Variants in KIAA1210 observed in about 807,000 individuals in gnomAD.
The protein encoded by KIAA1210 is acrosomal protein KIAA1210.
Under a neutral mutation model 78.9 loss-of-function variants are expected in KIAA1210, and 48 were observed. The observed-to-expected ratio is 0.61, with a 90% CI of 0.48 to 0.77. KIAA1210 has a LOEUF of 0.77. KIAA1210 is among the 30% of genes least tolerant of loss of function. KIAA1210 has a pLI of 0.00. For missense variants in KIAA1210, 1,108 were observed against 1,100.0 expected (o/e 1.01, Z -0.10); for synonymous variants, 406 against 404.5 (o/e 1.00, Z -0.04).
chrX:119,121,916 C>T (rs192062745), intron 2 of KIAA1210, among the ~76,000 whole-genome samples: 1,851 of 110,515 alleles, frequency 0.017, 17 homozygotes, highest in Middle Eastern at 0.023. Flanking sequence ...CTACAGGCAT[C>T]CGCCACCACG....
intron 2 of KIAA1210, among the ~76,000 whole-genome samples, chrX:119,141,396 G>T (rs748457094): frequency 4.8e-4 from 54 of 111,896 alleles, no homozygotes; most frequent in African/African-American, 1.7e-3. Flanking sequence ...TGCCTCCTGT[G>T]CTGTTGCTCT....
At chrX:119,083,730 A>T (rs1283010231) in intron 10 of KIAA1210, among the ~76,000 whole-genome samples, 1 of 111,238 alleles carries the variant, frequency 9.0e-6, no homozygotes, top group East Asian at 2.8e-4. Flanking sequence ...GCAGTGGCCT[A>T]TAATCCCAAC....
intron 2 of KIAA1210, among the ~76,000 whole-genome samples, chrX:119,121,492 A>C (rs1928455789): frequency 9.0e-6 from 1 of 111,496 alleles, no homozygotes. Context: ...TGCATTCCCA[A>C]GCAGCAAGTA....
upstream of KIAA1210, among the ~76,000 whole-genome samples, chrX:119,130,595 C>T (rs1928766637): frequency 8.9e-6 from 1 of 112,470 alleles, no homozygotes; most frequent in African/African-American, 3.2e-5. Context: ...GAGGGTCTTG[C>T]AGTGGCAAAC....
chrX:119,089,906 G>A (rs187262800), intron 8 of KIAA1210, among the ~76,000 whole-genome samples, 160 bp from the exon 9 acceptor site: 1 of 111,874 alleles, frequency 8.9e-6, no homozygotes, highest in Admixed American at 9.5e-5. Context: ...TCACTATTAG[G>A]TTTCTGCAGT....
intron 2 of KIAA1210, among the ~76,000 whole-genome samples, chrX:119,134,930 T>C (rs992452131): frequency 3.5e-5 from 4 of 112,696 alleles, no homozygotes; most frequent in Non-Finnish European, 5.6e-5. Flanking sequence ...ACTAATGAAA[T>C]TGCTGAGTCC....
At chrX:119,109,038 T>C (rs751445142) in intron 4 of KIAA1210, 38 bp downstream of exon 4, 1 of 1,197,144 alleles carries the variant, frequency 8.4e-7, no homozygotes, top group South Asian at 1.8e-5. Flanking sequence ...AGAAGAGAAG[T>C]AGTCCAATTA....
At position 119,114,570 on chromosome X, in the gene KIAA1210, T is replaced by C. The variant is rs138011176; in HGVS notation, c.230+1926A>G. ...GCTTTCATTCACTGCTGCTCTATGA[T>C]CTACTGGCTCAAATCAGGTTCAGAA... On this transcript the variant is annotated intron_variant, in intron 3 of 11. Coordinates refer to ENST00000691062, the MANE Select transcript of KIAA1210 (RefSeq NM_001394962.1). Among the ~76,000 whole-genome samples the C allele has an allele frequency of 1.2e-4, 13 of 112,580 alleles. No homozygotes were observed. In the East Asian group the frequency reaches 3.6e-3, roughly 31 times the overall value.
upstream of KIAA1210, among the ~76,000 whole-genome samples, chrX:119,128,721 G>T (rs12013405): frequency 0.013 from 1,472 of 110,543 alleles, 22 homozygotes; most frequent in African/African-American, 0.045. Flanking sequence ...TTATGCCCAG[G>T]CTGGAGTGCA....
intron 6 of KIAA1210, among the ~76,000 whole-genome samples, chrX:119,102,889 C>A (rs897915278): frequency 8.9e-6 from 1 of 112,066 alleles, no homozygotes; most frequent in Non-Finnish European, 1.9e-5. Flanking sequence ...GAGACAAATG[C>A]ATATTTGATT....
chrX:119,125,032 A>G (rs898174442), intron 1 of KIAA1210, among the ~76,000 whole-genome samples: 4 of 112,409 alleles, frequency 3.6e-5, no homozygotes, highest in African/African-American at 1.3e-4. Flanking sequence ...TCAATAAAAG[A>G]CAAACAACTT....
rs760962572 is a variant in KIAA1210 at position 119,096,624 on chromosome X, G to A, written c.716C>T (p.Ser239Phe). 8.3e-7 allele frequency: 1 copy of A among 1,210,855 alleles called. No homozygotes were observed. The highest frequency in any genetic ancestry group is 1.1e-6 in the Non-Finnish European group (1 of 894,894). ...QSLTAFATLA[S>F]TSSTQLPIGF... ...AATGGGCAGCTGGGTGCTACTGGTA[G>A]AGGCAAGTGTGGCAAATGCAGTCAA... Residue 239 changes from serine to phenylalanine, a missense_variant, in exon 7 of 12, where the codon TCT becomes TTT. By Grantham distance (155) the Ser-to-Phe change is radical. Transcript: ENST00000691062.
intron 6 of KIAA1210, 102 bp from the exon 7 acceptor site, chrX:119,096,793 T>A: frequency 3.4e-6 from 2 of 585,910 alleles, no homozygotes; most frequent in Non-Finnish European, 5.2e-6. Flanking sequence ...GAAGAAATCC[T>A]TCATGAACTA....
chrX:119,150,543 A>C (rs969617990), exon 1 of KIAA1210: 5 of 1,209,521 alleles, frequency 4.1e-6, no homozygotes, highest in Non-Finnish European at 4.5e-6. Context: ...GAAGCGTGAA[A>C]GGCAGAGAAG....
At chrX:119,139,322 G>A (rs1023364727) in intron 2 of KIAA1210, among the ~76,000 whole-genome samples, 1 of 111,863 alleles carries the variant, frequency 8.9e-6, no homozygotes, top group Non-Finnish European at 1.9e-5. Flanking sequence ...CATAAGAAAT[G>A]GATGGCAGCT....
At chrX:119,096,884 T>C (rs1224239957) in intron 6 of KIAA1210, among the ~76,000 whole-genome samples, 193 bp from the exon 7 acceptor site, 1 of 112,375 alleles carries the variant, frequency 8.9e-6, no homozygotes, top group Admixed American at 9.4e-5. Flanking sequence ...TTCTTGCAGA[T>C]GAAAACAAGA....
At chrX:119,116,454 T>C (rs1296721199) in intron 3 of KIAA1210, 42 bp downstream of exon 3, 1 of 1,180,319 alleles carries the variant, frequency 8.5e-7, no homozygotes, top group Non-Finnish European at 1.1e-6. Flanking sequence ...ACTGCCTGCC[T>C]CTTCCCCTGT....
Position 119,148,498 on chromosome X carries a change from T to A in KIAA1210, c.290-905A>T, listed in dbSNP as rs187306962. Among the ~76,000 whole-genome samples the A allele has an allele frequency of 1.4e-3, 160 of 112,274 alleles. 2 individuals carry two copies. The highest frequency in any genetic ancestry group is 4.5e-3 in the African/African-American group (140 of 30,936). On this transcript the variant is annotated intron_variant, in intron 1 of 13. Transcript: ENST00000402510. ...TTGCCTTCATCTCCTTCTATACTTGTGCAATATGGTATCACATAATTTAAG... is the reference window on the plus strand; with the variant it reads ...TTGCCTTCATCTCCTTCTATACTTGAGCAATATGGTATCACATAATTTAAG...
At chrX:119,145,206 G>C (rs763239693) in intron 2 of KIAA1210, among the ~76,000 whole-genome samples, 1 of 110,605 alleles carries the variant, frequency 9.0e-6, no homozygotes, top group Non-Finnish European at 1.9e-5. Flanking sequence ...TTCTACTTTG[G>C]GAAACTGTTA....
Sources: allele counts gnomAD v4.1 joint callset (sites outside exome capture counted in the v4.1 genomes callset), GRCh38; gene constraint gnomAD v4.1.1; transcripts MANE v1.5; gene names NCBI Gene and HGNC (gene_info 2026-07-23, HGNC 2026-07-21).